The following AKR7A3 variants were observed in gnomAD, a reference collection of about 807,000 sequenced individuals.
AKR7A3 encodes the protein AFB1 aldehyde reductase 2.
A neutral mutation model predicts 32.5 loss-of-function variants in AKR7A3; 37 were observed. The observed-to-expected ratio is 1.14, with a 90% CI of 0.88 to 1.50. The LOEUF is 1.50. Among genes scored for constraint, AKR7A3 ranks in the 40% most tolerant of loss-of-function variants. AKR7A3 has a pLI of 0.00. For synonymous variants in AKR7A3, 177 were observed against 188.4 expected, an observed-to-expected ratio of 0.94 and a Z score of 0.50; for missense variants, 412 against 453.2, an observed-to-expected ratio of 0.91 and a Z score of 0.83.
downstream of AKR7A3, among the ~76,000 whole-genome samples, chr1:19,278,484 C>A (rs998993009): frequency 2.0e-5 from 3 of 151,628 alleles, no homozygotes; most frequent in East Asian, 5.8e-4. Flanking sequence ...TTGGTTGAAC[C>A]CAGGAGGCGG....
chr1:19,287,388 G>A (rs2093732634), intron 1 of AKR7A3, among the ~76,000 whole-genome samples: 1 of 151,732 alleles, frequency 6.6e-6, no homozygotes, highest in African/African-American at 2.4e-5. Flanking sequence ...GTGGCACTGG[G>A]ATGCACGCAC....
chr1:19,287,176 C>T (rs563337375), intron 1 of AKR7A3, among the ~76,000 whole-genome samples: 2 of 151,464 alleles, frequency 1.3e-5, no homozygotes, highest in Non-Finnish European at 2.9e-5. Context: ...GGGTGTGGTG[C>T]TACTGTAGTA....
Position 19,282,669 on chromosome 1 carries a change from A to T in AKR7A3, c.*62T>A. The T allele has an allele frequency of 6.2e-7, 1 of 1,612,562 alleles. No individual in the cohort carries two copies. Among genetic ancestry groups the T allele is most frequent in the Admixed American group, 1.7e-5 (1 of 59,784 alleles). ...ATTTACTGAGGCAGTTCTAAATTAA[A>T]GAAAATGTGAGTAACAAAAGATGTT... On this transcript the variant is annotated 3_prime_UTR_variant, in exon 7 of 7. Coordinates refer to ENST00000361640, the MANE Select transcript of AKR7A3 (RefSeq NM_012067.3).
At chr1:19,285,861 C>T (rs1222530113) in intron 3 of AKR7A3, 27 bp downstream of exon 3, 2 of 1,613,172 alleles carry the variant, frequency 1.2e-6, no homozygotes, top group African/African-American at 2.7e-5. Flanking sequence ...TTCTGGAGAC[C>T]TTGGCCTCTG....
intron 2 of AKR7A3, 68 bp downstream of exon 2, chr1:19,286,117 C>T: frequency 5.0e-6 from 8 of 1,596,152 alleles, no homozygotes; most frequent in Non-Finnish European, 6.8e-6. Context: ...TGCCTCTGCT[C>T]TCACCATTAG....
chr1:19,277,836 T>C (rs1292108648), downstream of AKR7A3, among the ~76,000 whole-genome samples: 1 of 151,990 alleles, frequency 6.6e-6, no homozygotes, highest in Non-Finnish European at 1.5e-5. Context: ...TTTTCTTTAA[T>C]TAAGTTGTAA....
At chr1:19,275,411 CA>C in the AKR7A3 span, among the ~76,000 whole-genome samples, 220 of 137,976 alleles carry the variant, frequency 1.6e-3, 6 homozygotes, top group African/African-American at 4.8e-3. Context: ...AATTCCATCT[CA>C]AAAAAAAAAA....
chr1:19,288,182 T>G (rs2093734271), intron 1 of AKR7A3, among the ~76,000 whole-genome samples: 1 of 152,066 alleles, frequency 6.6e-6, no homozygotes, highest in African/African-American at 2.4e-5. Flanking sequence ...ATCCCAGTGT[T>G]TTTTGTGCTC....
chr1:19,286,573 C>A (rs960684511), intron 1 of AKR7A3, among the ~76,000 whole-genome samples: 6 of 151,804 alleles, frequency 4.0e-5, no homozygotes, highest in Non-Finnish European at 7.4e-5. Flanking sequence ...CCCAGCTAGT[C>A]CGGAGTCTGA....
chr1:19,278,101 T>C (rs980996717), downstream of AKR7A3, among the ~76,000 whole-genome samples: 1 of 151,898 alleles, frequency 6.6e-6, no homozygotes, highest in African/African-American at 2.4e-5. Flanking sequence ...TTTTACCTTA[T>C]ACATTTAGGT....
At chr1:19,274,503 C>T in the AKR7A3 span, among the ~76,000 whole-genome samples, 508 of 151,444 alleles carry the variant, frequency 3.4e-3, 12 homozygotes, top group African/African-American at 0.011. Context: ...GTGTGGTGGA[C>T]CTAAGTAAGG....
At chr1:19,277,281 G>A in the AKR7A3 span, among the ~76,000 whole-genome samples, 119 of 151,810 alleles carry the variant, frequency 7.8e-4, 5 homozygotes, top group African/African-American at 2.7e-3. Flanking sequence ...GAAGAAAAAG[G>A]AAAAATAGAA....
In AKR7A3 at chr1:19,285,043, C is replaced by A. The variant is rs144024296; in HGVS notation, c.579G>T (p.Arg193Ser). The A allele has an allele frequency of 2.0e-4, 323 of 1,613,052 alleles. 7 individuals are homozygous for A. In the African/African-American group the frequency reaches 4.0e-3, roughly 20 times the overall value. ...CAGCCAGAGGGTTGAAGGCATAGAA[C>A]CTCAGTCCAAAGTGCCTGAGGCAGG... ...LFPCLRHFGL[R>S]FYAFNPLAGG... is the part of the protein sequence containing the mutation. The change falls in exon 4 of 7, where the codon AGG becomes AGT. Residue 193 changes from arginine (R) to serine (S), a missense_variant. Coordinates refer to ENST00000361640, the MANE Select transcript of AKR7A3 (RefSeq NM_012067.3).
chr1:19,278,881 T>C (rs531007044), downstream of AKR7A3, among the ~76,000 whole-genome samples: 5 of 151,972 alleles, frequency 3.3e-5, no homozygotes, highest in Admixed American at 6.5e-5. Context: ...TATGAAACCT[T>C]TTGCAATTGG....
At chr1:19,275,817 A>G in the AKR7A3 span, among the ~76,000 whole-genome samples, 1 of 151,866 alleles carries the variant, frequency 6.6e-6, no homozygotes. Context: ...ATCAACAACA[A>G]AAACAACAAC....
chr1:19,281,150 C>T (rs1304370148), downstream of AKR7A3, among the ~76,000 whole-genome samples: 1 of 150,934 alleles, frequency 6.6e-6, no homozygotes, highest in East Asian at 2.0e-4. Context: ...AAGCAATTCT[C>T]CCTGCCTCAG....
intron 6 of AKR7A3, among the ~76,000 whole-genome samples, chr1:19,283,517 G>C (rs1007546513): frequency 6.6e-6 from 1 of 151,948 alleles, no homozygotes; most frequent in African/African-American, 2.4e-5. Context: ...ACAAAGCCTG[G>C]CACTCAGATA....
At chr1:19,288,344 G>T in intron 1 of AKR7A3, 152 bp downstream of exon 1, 1 of 937,512 alleles carries the variant, frequency 1.1e-6, no homozygotes. Context: ...GGAGCCTGGT[G>T]TTCCCAAGGC....
Position 19,286,082 on chromosome 1 carries a change from C to T in AKR7A3, c.403-90G>A, listed in dbSNP as rs966663808. 22 of 1,588,858 alleles carry T rather than the reference C, an allele frequency of 1.4e-5. No homozygotes were observed. In the African/African-American group the frequency reaches 1.8e-4, roughly 13 times the overall value. On this transcript the variant is annotated intron_variant, in intron 2 of 6. Coordinates refer to ENST00000361640, the MANE Select transcript of AKR7A3 (RefSeq NM_012067.3). ...GGGCCCCTGGGAGTTGGGCTGTTCC[C>T]TGCTCCACCCTGGAACAGCCCTGGT...
Sources: gnomAD v4.1 joint callset for allele counts (sites outside exome capture counted in the v4.1 genomes callset) on GRCh38, gnomAD v4.1.1 for gene constraint, MANE v1.5 for transcripts, NCBI Gene and HGNC (gene_info 2026-07-23, HGNC 2026-07-21) for gene names.